RPGRIP1L: variants seen among roughly 807,000 people sequenced by gnomAD.
The protein encoded by RPGRIP1L is protein fantom.
Under a neutral mutation model 160.4 loss-of-function variants are expected in RPGRIP1L, and 131 were observed. The observed-to-expected ratio is 0.82, with a 90% CI of 0.71 to 0.94. The LOEUF (loss-of-function observed/expected upper bound fraction) is 0.94. Among genes scored for constraint, RPGRIP1L ranks in the 40% least tolerant of loss-of-function variants. The probability of loss-of-function intolerance (pLI) is 0.00; values close to 1 mark genes in which losing one functional copy is unlikely to be tolerated. For missense variants in RPGRIP1L, 1,522 were observed against 1,535.8 expected (o/e 0.99, Z 0.15); for synonymous variants, 510 against 515.8 (o/e 0.99, Z 0.15).
chr16:53,602,710 G>A (rs987058960), intron 26 of RPGRIP1L, among the ~76,000 whole-genome samples: 32 of 151,582 alleles, frequency 2.1e-4, no homozygotes, highest in African/African-American at 7.8e-4. Context: ...GGAGGTGGAG[G>A]TTGCGGTGAG....
intron 14 of RPGRIP1L, 77 bp from the exon 15 acceptor site, chr16:53,653,064 G>T: frequency 1.7e-6 from 2 of 1,176,546 alleles, no homozygotes; most frequent in Non-Finnish European, 2.5e-6. Flanking sequence ...TGAAGTGTAA[G>T]AATGAGTACT....
rs747880301 is a variant in RPGRIP1L at position 53,692,288 on chromosome 16, C to A, written c.307G>T (p.Gly103Ter). 1.2e-6 allele frequency: 2 copies of A among 1,613,986 alleles called. No homozygotes were observed. The highest frequency in any genetic ancestry group is 2.7e-5 in the African/African-American group (2 of 74,884). ...ERVGGGPKRL[G>*]RDVEMEEMIE... ...ATTTCTTCCATTTCCACATCTCGTC[C>A]CAGCCGCTTGGGGCCGCCACCAACC... is the stretch of plus-strand genomic sequence containing the variant. The change falls in exon 4 of 27, where the codon GGA becomes TGA. Residue 103 changes from glycine (G) to a stop codon, truncating the protein, a stop_gained. Transcript: ENST00000647211. LOFTEE classifies it high-confidence loss of function.
chr16:53,622,250 T>A lies in RPGRIP1L; in HGVS notation c.3401A>T (p.Asp1134Val). Reference sequence around the variant, plus strand: ...GTGGTGGCAGGCACCTGTAATCCCATCTACTTGGGAGGCTGAGGCAGGAAA... The same window carrying A: ...GTGGTGGCAGGCACCTGTAATCCCAACTACTTGGGAGGCTGAGGCAGGAAA... ...SDFPASASQV[D>V]GITGACHHTQ... is the part of the protein sequence containing the mutation. The change falls in exon 23 of 27, where the codon GAT (aspartate) becomes GTT (valine). Residue 1134 changes from aspartate to valine, a missense_variant. Transcript: ENST00000647211. 4.7e-6 allele frequency: 3 copies of A among 645,048 alleles called. No individual in the cohort carries two copies. Among genetic ancestry groups the A allele is most frequent in the Non-Finnish European group, 8.4e-6 (3 of 357,864 alleles). The allele number at this position is 645,048 out of a possible 1,614,324, so 40.0% of individuals were successfully genotyped here.
chr16:53,603,187 A>C (rs542281143), intron 26 of RPGRIP1L, among the ~76,000 whole-genome samples: 205 of 152,340 alleles, frequency 1.3e-3, no homozygotes, highest in Non-Finnish European at 2.6e-3. Context: ...CTCTGAGCTC[A>C]GTGGTGGAAG....
In RPGRIP1L at chr16:53,605,463, C is replaced by A. The variant is rs770332770; in HGVS notation, c.3835+18G>T. 2.5e-6 allele frequency: 4 copies of A among 1,613,914 alleles called. No individual in the cohort carries two copies. The South Asian group carries it at 3.3e-5, about 13-fold the overall frequency. ...GCAATTGTTGGTTGCACAAACTGAG[C>A]AACACTTTCACCCATACCATCGATA... On this transcript the variant is annotated intron_variant, in intron 26 of 26. Transcript: ENST00000647211.
chr16:53,602,098 TATTG>T lies in RPGRIP1L; in HGVS notation c.3922_3925del (p.Gln1308ThrfsTer29). Reference sequence around the variant, plus strand: ...CTTTCAAGCCTCCAAGTCATCTCTGTATTGCTTGTAGACAGACTGGAGGGCATGG... The same window carrying T: ...CTTTCAAGCCTCCAAGTCATCTCTGTCTTGTAGACAGACTGGAGGGCATGG... On this transcript the variant is annotated frameshift_variant, in exon 27 of 27. Transcript: ENST00000647211. LOFTEE classifies it high-confidence loss of function. 1 of 1,612,300 alleles carries T rather than the reference TATTG, an allele frequency of 6.2e-7. No homozygotes were observed. Among genetic ancestry groups the T allele is most frequent in the Non-Finnish European group, 8.5e-7 (1 of 1,178,452 alleles).
At chr16:53,639,064 T>C (rs1000987773) in intron 19 of RPGRIP1L, among the ~76,000 whole-genome samples, 1 of 151,926 alleles carries the variant, frequency 6.6e-6, no homozygotes, top group African/African-American at 2.4e-5. Context: ...TATGCTAGCA[T>C]AGGTATGTAT....
At chr16:53,605,394 T>C (rs1963613890) in intron 26 of RPGRIP1L, 87 bp downstream of exon 26, 1 of 1,495,666 alleles carries the variant, frequency 6.7e-7, no homozygotes, top group Admixed American at 1.7e-5. Flanking sequence ...TCAGCACCCT[T>C]GGAGCCAGCA....
chr16:53,614,763 T>G (rs954870217), intron 24 of RPGRIP1L, among the ~76,000 whole-genome samples: 1 of 152,168 alleles, frequency 6.6e-6, no homozygotes. Context: ...AAAGTTAAGG[T>G]ATTTACCTTT....
intron 9 of RPGRIP1L, among the ~76,000 whole-genome samples, chr16:53,668,066 CT>C (rs71144002): frequency 1.5e-3 from 219 of 143,706 alleles, no homozygotes; most frequent in Non-Finnish European, 1.4e-3. Context: ...TCTCTGTCTC[CT>C]TTTTTTTTTT....
chr16:53,678,434 G>A (rs1339153864), intron 6 of RPGRIP1L, among the ~76,000 whole-genome samples: 1 of 152,124 alleles, frequency 6.6e-6, no homozygotes, highest in Non-Finnish European at 1.5e-5. Flanking sequence ...AGATACACTG[G>A]AGAAGTAAAA....
At chr16:53,661,499 T>G (rs190808053) in intron 10 of RPGRIP1L, among the ~76,000 whole-genome samples, 6 of 152,198 alleles carry the variant, frequency 3.9e-5, no homozygotes, top group Non-Finnish European at 7.4e-5. Flanking sequence ...ATAGAATGGT[T>G]AGGTAACAAA....
chr16:53,648,723 G>A (rs1966753174), intron 16 of RPGRIP1L, among the ~76,000 whole-genome samples: 2 of 151,600 alleles, frequency 1.3e-5, no homozygotes, highest in East Asian at 1.9e-4. Flanking sequence ...GTATTGTCCC[G>A]ATTTTGAAAT....
chr16:53,689,852 G>A (rs1469704848), intron 4 of RPGRIP1L, among the ~76,000 whole-genome samples: 1 of 152,164 alleles, frequency 6.6e-6, no homozygotes, highest in African/African-American at 2.4e-5. Flanking sequence ...ACTCTATCCT[G>A]AACAGTGAGA....
At chr16:53,636,328 T>C (rs571719432) in intron 22 of RPGRIP1L, 111 bp downstream of exon 22, 1 of 809,428 alleles carries the variant, frequency 1.2e-6, no homozygotes, top group African/African-American at 1.7e-5. Context: ...ACATTAAAGT[T>C]TTTCCAGAAA....
chr16:53,684,931 T>C (rs780720175), intron 6 of RPGRIP1L, among the ~76,000 whole-genome samples: 3 of 151,738 alleles, frequency 2.0e-5, no homozygotes, highest in African/African-American at 7.3e-5. Context: ...AGACAACCTA[T>C]AGAATGGGAG....
At chr16:53,622,043 A>AAAAAAAAGTTC (rs1829858557) in intron 23 of RPGRIP1L, among the ~76,000 whole-genome samples, 176 bp downstream of exon 23, 9 of 146,182 alleles carry the variant, frequency 6.2e-5, no homozygotes, top group African/African-American at 2.3e-4. Context: ...AAAAAAAAAA[A>AAAAAAAAGTTC]AAAAAGTTCA....
intron 4 of RPGRIP1L, among the ~76,000 whole-genome samples, chr16:53,688,463 T>C (rs938986357): frequency 2.6e-5 from 4 of 152,058 alleles, no homozygotes; most frequent in Non-Finnish European, 5.9e-5. Context: ...AAAGGTACTT[T>C]GAGAATGGAT....
intron 6 of RPGRIP1L, among the ~76,000 whole-genome samples, chr16:53,676,039 T>A (rs1334052976): frequency 1.3e-5 from 2 of 152,164 alleles, no homozygotes; most frequent in East Asian, 3.8e-4. Context: ...AGTAAGAGAT[T>A]TTACTTTTAA....
Sources: gnomAD v4.1 joint callset for allele counts (sites outside exome capture counted in the v4.1 genomes callset) on GRCh38, gnomAD v4.1.1 for gene constraint, MANE v1.5 for transcripts, NCBI Gene and HGNC (gene_info 2026-07-23, HGNC 2026-07-21) for gene names.